Variants in CABIN1 observed in about 807,000 individuals in gnomAD.
CABIN1 encodes calcineurin-binding protein cabin-1.
A neutral mutation model predicts 227.7 loss-of-function variants in CABIN1; 133 were observed. The observed-to-expected ratio is 0.58, with a 90% CI of 0.51 to 0.67. The LOEUF is 0.67. Ranked by LOEUF, CABIN1 falls within the 30% of genes least tolerant of loss-of-function variation. CABIN1 has a pLI of 0.00. For synonymous variants in CABIN1, 1,086 were observed against 1,155.1 expected (o/e 0.94, Z 1.21); for missense variants, 2,408 against 2,852.5 (o/e 0.84, Z 3.55).
At chr22:24,138,561 C>G (rs1320616880) in intron 29 of CABIN1, among the ~76,000 whole-genome samples, 1 of 152,162 alleles carries the variant, frequency 6.6e-6, no homozygotes, top group African/African-American at 2.4e-5. Context: ...TCCTACAACC[C>G]CCTTTGGGTT....
chr22:24,025,972 A>G (rs1411865227), intron 1 of CABIN1, among the ~76,000 whole-genome samples: 3 of 151,856 alleles, frequency 2.0e-5, no homozygotes, highest in Admixed American at 2.0e-4. Flanking sequence ...TAGCTGGAAC[A>G]ACAGGCATGT....
chr22:24,143,445 G>A (rs113789546), intron 29 of CABIN1, among the ~76,000 whole-genome samples: 2,478 of 152,302 alleles, frequency 0.016, 60 homozygotes, highest in African/African-American at 0.056. Flanking sequence ...CTGCTAGCCT[G>A]AGCCCCCACC....
intron 1 of CABIN1, among the ~76,000 whole-genome samples, chr22:24,017,039 C>CTTTTTTTTTTTTTTTTTTTTTT (rs767688741): frequency 8.2e-6 from 1 of 122,226 alleles, no homozygotes. Flanking sequence ...TACAATTTAT[C>CTTTTTTTTTTTTTTTTTTTTTT]TTTTTTTTTT....
chr22:24,092,712 G>GTGTT (rs1405050760), intron 24 of CABIN1, among the ~76,000 whole-genome samples: 1 of 151,628 alleles, frequency 6.6e-6, no homozygotes, highest in East Asian at 1.9e-4. Flanking sequence ...GTGTGTGTGT[G>GTGTT]TGTGTGTGTG....
At chr22:24,079,002 A>C (rs2040625829) in intron 19 of CABIN1, among the ~76,000 whole-genome samples, 1 of 152,190 alleles carries the variant, frequency 6.6e-6, no homozygotes, top group Admixed American at 6.5e-5. Flanking sequence ...TAGTATACTG[A>C]GATACAGTTA....
chr22:24,154,827 C>T (rs529680879), intron 29 of CABIN1, among the ~76,000 whole-genome samples: 3 of 152,250 alleles, frequency 2.0e-5, no homozygotes, highest in South Asian at 4.1e-4. Context: ...AGCCTTGGAC[C>T]GCTGGCTCCA....
rs12159292 is a variant in CABIN1, at chr22:24,050,826, G to C, written c.658G>C (p.Asp220His). 2.5e-6 allele frequency: 4 copies of C among 1,614,160 alleles called. No homozygotes were observed. The highest frequency in any genetic ancestry group is 3.4e-6 in the Non-Finnish European group (4 of 1,180,020). ...TCTCCCTGTCTCACATGCTTTTAGT[G>C]ACATGTCGATTCACGATGTTTCGGT... ...KDSLRMFLKC[D>H]MSIHDVSVSA... The change falls in exon 8 of 37, where the codon GAC (aspartate) becomes CAC (histidine). Residue 220 changes from aspartate to histidine, a missense_variant and splice_region_variant. This residue lies in a region of CABIN1 where 1,045 missense variants were observed against 1,168.4 expected (regional missense o/e 0.89). Coordinates refer to ENST00000263119, the MANE Select transcript of CABIN1 (RefSeq NM_012295.4).
chr22:24,155,254 C>A (rs987580848), intron 29 of CABIN1, among the ~76,000 whole-genome samples: 19 of 152,134 alleles, frequency 1.2e-4, no homozygotes, highest in African/African-American at 4.6e-4. Flanking sequence ...GTGAGTGAGG[C>A]CCTCCCCTCC....
chr22:24,034,751 T>G (rs1569097797), intron 1 of CABIN1, among the ~76,000 whole-genome samples: 1 of 152,252 alleles, frequency 6.6e-6, no homozygotes, highest in Non-Finnish European at 1.5e-5. Context: ...AATCTCCACA[T>G]CTTTGCCAAT....
intron 1 of CABIN1, among the ~76,000 whole-genome samples, chr22:24,023,997 T>A (rs886431883): frequency 6.6e-6 from 1 of 152,206 alleles, no homozygotes; most frequent in Non-Finnish European, 1.5e-5. Context: ...CCTCCCAAAG[T>A]GCTAGGATTA....
At position 24,166,983 on chromosome 22, in the gene CABIN1, C is replaced by A. The variant is rs35966225; in HGVS notation, c.5352C>A (p.Pro1784=). The A allele has an allele frequency of 3.8e-6, 6 of 1,577,010 alleles. No individual in the cohort carries two copies. In the African/African-American group the frequency reaches 4.1e-5, roughly 11 times the overall value. ...ERTPPLLPGR[P]ARDRGPESRP... ...CACCACCCCTGCTGCCAGGTCGCCCCGCAAGGGACCGGGGCCCCGAGAGCC... is the reference window on the plus strand; with the variant it reads ...CACCACCCCTGCTGCCAGGTCGCCCAGCAAGGGACCGGGGCCCCGAGAGCC... The change falls in exon 32 of 37, where the codon CCC becomes CCA. Residue 1784 remains proline (P), a synonymous_variant. Transcript: ENST00000263119.
chr22:24,085,560 A>G (rs1859249538), intron 22 of CABIN1, among the ~76,000 whole-genome samples: 1 of 152,076 alleles, frequency 6.6e-6, no homozygotes, highest in African/African-American at 2.4e-5. Context: ...CTTCTTGGGG[A>G]CAAGTAATAG....
Position 24,091,286 on chromosome 22 carries a change from G to A in CABIN1, c.3526-297G>A, listed in dbSNP as rs117908878. Among the ~76,000 whole-genome samples, 1,204 of 152,330 alleles carry A rather than the reference G, an allele frequency of 7.9e-3. 6 individuals are homozygous for A. The highest frequency in any genetic ancestry group is 0.014 in the South Asian group (69 of 4,828). On this transcript the variant is annotated intron_variant, in intron 23 of 36. Coordinates refer to ENST00000263119, the MANE Select transcript of CABIN1 (RefSeq NM_012295.4). ...TCCAGTGCTGTGGAGCAGGGTGCTAGGTGAATCTGCATTAGATGCTGCAGG... is the reference window on the plus strand; with the variant it reads ...TCCAGTGCTGTGGAGCAGGGTGCTAAGTGAATCTGCATTAGATGCTGCAGG...
Position 24,049,980 on chromosome 22 carries a change from C to T in CABIN1, c.656+760C>T, listed in dbSNP as rs528111914. ...CAGGGCCACACCTCAGAGCTGCTCA[C>T]TTACAAACTTATCTGTTTCTCAGGT... On this transcript the variant is annotated intron_variant, in intron 7 of 36. Transcript: ENST00000263119. Among the ~76,000 whole-genome samples the T allele has an allele frequency of 8.4e-4, 128 of 152,278 alleles. 1 individual carries two copies. Among genetic ancestry groups the T allele is most frequent in the African/African-American group, 2.9e-3 (122 of 41,554 alleles).
chr22:24,044,619 CTA>C (rs2037699909), intron 6 of CABIN1, among the ~76,000 whole-genome samples: 1 of 152,182 alleles, frequency 6.6e-6, no homozygotes, highest in Non-Finnish European at 1.5e-5. Flanking sequence ...AGGAACTGGG[CTA>C]TGTCTTTAAT....
rs779580803 is a variant in CABIN1, at chr22:24,095,918, G to A, written c.3787-13G>A. 1.2e-6 allele frequency: 2 copies of A among 1,613,906 alleles called. No individual in the cohort carries two copies. The highest frequency in any genetic ancestry group is 1.1e-5 in the South Asian group (1 of 91,064). ...TGGGAAGGCTGCTCACACTAGAGGT[G>A]TCGTTCTCCTAGGTGTACTTTCGGC... On this transcript the variant is annotated splice_polypyrimidine_tract_variant and intron_variant, in intron 24 of 36. Transcript: ENST00000263119.
intron 29 of CABIN1, among the ~76,000 whole-genome samples, chr22:24,139,498 G>A (rs979068771): frequency 6.6e-6 from 1 of 152,084 alleles, no homozygotes; most frequent in Non-Finnish European, 1.5e-5. Flanking sequence ...CTCAGGAGGC[G>A]GAGGTTGTAG....
At chr22:24,119,797 G>A (rs2043295443) in intron 28 of CABIN1, 99 bp downstream of exon 28, 1 of 1,166,950 alleles carries the variant, frequency 8.6e-7, no homozygotes, top group Non-Finnish European at 1.3e-6. Flanking sequence ...GAGCTTCACG[G>A]TAGCAGCACA....
chr22:24,092,925 G>T (rs2041645031), intron 24 of CABIN1, among the ~76,000 whole-genome samples: 1 of 152,130 alleles, frequency 6.6e-6, no homozygotes, highest in Admixed American at 6.5e-5. Context: ...TTTAATGGAA[G>T]GTGTGGTGAG....
Sources: gnomAD v4.1 joint callset for allele counts (sites outside exome capture counted in the v4.1 genomes callset) on GRCh38, gnomAD v4.1.1 for gene constraint, gnomAD v4.1.1 regional missense constraint, MANE v1.5 for transcripts, NCBI Gene and HGNC (gene_info 2026-07-23, HGNC 2026-07-21) for gene names.